AMDHD1: variants seen among roughly 807,000 people sequenced by gnomAD.
AMDHD1 encodes the protein amidohydrolase domain containing 1, also known as probable imidazolonepropionase.
In AMDHD1, 45 loss-of-function variants were observed where a neutral mutation model predicts 44.1. That is an observed-to-expected ratio of 1.02 (90% confidence interval 0.80 to 1.31). The LOEUF is 1.31. Among genes scored for constraint, AMDHD1 ranks in the 50% most tolerant of loss-of-function variants. The pLI is 0.00. For missense variants in AMDHD1, 586 were observed against 552.1 expected (o/e 1.06, Z -0.61); for synonymous variants, 206 against 205.0 (o/e 1.00, Z -0.04).
At chr12:95,949,259 T>G (rs1307450790) in intron 1 of AMDHD1, among the ~76,000 whole-genome samples, 1 of 151,674 alleles carries the variant, frequency 6.6e-6, no homozygotes, top group Non-Finnish European at 1.5e-5. Context: ...CAAGACCAAT[T>G]TTTAGGTTTT....
At position 95,943,488 on chromosome 12, in the gene AMDHD1, G is replaced by A. The variant is rs1227379737; in HGVS notation, c.90G>A (p.Ala30=). The A allele has an allele frequency of 6.7e-7, 1 of 1,500,736 alleles. No individual in the cohort carries two copies. The highest frequency in any genetic ancestry group is 8.9e-7 in the Non-Finnish European group (1 of 1,129,210). The allele number at this position is 1,500,736 out of a possible 1,614,324, so 93.0% of individuals were successfully genotyped here. ...ARGERFLARD[A]LRSLAVLEGA... ...GCGAGCGCTTCCTGGCGCGGGATGC[G>A]CTGCGCAGCCTGGCGGTGCTGGAAG... Residue 30 remains alanine, a synonymous_variant, in exon 1 of 9, where the codon GCG becomes GCA. Transcript: ENST00000266736.
At chr12:95,962,268 A>G (rs2080585987) in intron 5 of AMDHD1, 87 bp from the exon 6 acceptor site, 1 of 1,460,480 alleles carries the variant, frequency 6.8e-7, no homozygotes, top group South Asian at 1.3e-5. Flanking sequence ...CGTCTCAAAA[A>G]TAAAACAAAC....
Position 95,956,945 on chromosome 12 carries a change from G to T in AMDHD1, c.570G>T (p.Gly190=), listed in dbSNP as rs1466899457. 2.5e-6 allele frequency: 4 copies of T among 1,612,182 alleles called. No homozygotes were observed. Among genetic ancestry groups the T allele is most frequent in the Non-Finnish European group, 3.4e-6 (4 of 1,179,900 alleles). Residue 190 remains glycine (G), a synonymous_variant, in exon 4 of 9, where the codon GGG becomes GGT. Coordinates refer to ENST00000266736, the MANE Select transcript of AMDHD1 (RefSeq NM_152435.3). ...TCGGCATCTCGGCTACCTACTGCGG[G>T]GCTCATTCAGTGCCTAAGTAATCTC... ...LDIGISATYC[G]AHSVPKGKTA... is the part of the protein sequence containing the mutation.
intron 6 of AMDHD1, among the ~76,000 whole-genome samples, chr12:95,964,684 A>C (rs1207461663): frequency 2.6e-5 from 4 of 152,142 alleles, no homozygotes; most frequent in South Asian, 2.1e-4. Context: ...GATGAGAATT[A>C]TCTCTGCTGG....
intron 4 of AMDHD1, among the ~76,000 whole-genome samples, chr12:95,958,085 A>G (rs916860034): frequency 2.0e-5 from 3 of 152,074 alleles, no homozygotes; most frequent in Non-Finnish European, 4.4e-5. Flanking sequence ...TAATTGACAA[A>G]TAATATATTT....
chr12:95,944,754 A>G (rs1202152658), intron 1 of AMDHD1, among the ~76,000 whole-genome samples: 1 of 152,174 alleles, frequency 6.6e-6, no homozygotes, highest in African/African-American at 2.4e-5. Flanking sequence ...AAACATTCCC[A>G]ATTTACTATG....
At chr12:95,957,217 G>A (rs563209386) in intron 4 of AMDHD1, among the ~76,000 whole-genome samples, 1 of 152,290 alleles carries the variant, frequency 6.6e-6, no homozygotes, top group Non-Finnish European at 1.5e-5. Flanking sequence ...AAATGGCTCC[G>A]TGTAGGTCGT....
intron 1 of AMDHD1, among the ~76,000 whole-genome samples, chr12:95,948,018 C>A (rs2080506991): frequency 8.5e-6 from 1 of 117,070 alleles, no homozygotes; most frequent in African/African-American, 3.3e-5. Context: ...CGGCCAGCCG[C>A]CCTGTCCGGG....
rs780341874 is a variant in AMDHD1 at position 95,966,411 on chromosome 12, G to A, written c.1096G>A (p.Ala366Thr). 2 of 1,614,244 alleles carry A rather than the reference G, an allele frequency of 1.2e-6. No homozygotes were observed. The highest frequency in any genetic ancestry group is 2.2e-5 in the South Asian group (2 of 91,086). The stretch of plus-strand genomic sequence containing the variant: ...GTCCATGCCTGAGGCCTTGGCCGCT[G>A]CCACCATCAATGCAGCTTATGCACT... Reference protein sequence around the residue: ...RMSMPEALAAATINAAYALGK... With the variant: ...RMSMPEALAATTINAAYALGK... Residue 366 changes from alanine (A) to threonine (T), a missense_variant, in exon 8 of 9, where the codon GCC (alanine) becomes ACC (threonine). Ala to Thr is a moderately conservative substitution (Grantham distance 58). Coordinates refer to ENST00000266736, the MANE Select transcript of AMDHD1 (RefSeq NM_152435.3).
intron 1 of AMDHD1, among the ~76,000 whole-genome samples, chr12:95,950,885 A>C (rs1345961886): frequency 1.3e-5 from 2 of 152,094 alleles, no homozygotes; most frequent in African/African-American, 2.4e-5. Context: ...TAAAAAAGGG[A>C]ACATTGATCT....
In AMDHD1 at chr12:95,966,397, A is replaced by G; in HGVS notation, c.1082A>G (p.Glu361Gly). Residue 361 changes from glutamate (E) to glycine (G), a missense_variant, in exon 8 of 9, where the codon GAG becomes GGG. Coordinates refer to ENST00000266736, the MANE Select transcript of AMDHD1 (RefSeq NM_152435.3). ...ACVNMRMSMPEALAAATINAA... is the reference protein window; with the variant it reads ...ACVNMRMSMPGALAAATINAA... ...GTAAACATGAGAATGTCCATGCCTG[A>G]GGCCTTGGCCGCTGCCACCATCAAT... The G allele has an allele frequency of 6.2e-7, 1 of 1,614,270 alleles. No homozygotes were observed.
intron 5 of AMDHD1, among the ~76,000 whole-genome samples, chr12:95,962,033 C>T (rs1041066981): frequency 2.0e-5 from 3 of 152,088 alleles, no homozygotes; most frequent in East Asian, 1.9e-4. Flanking sequence ...TTTTGGAGTC[C>T]GAGGCAGGCG....
intron 1 of AMDHD1, 53 bp downstream of exon 1, chr12:95,943,588 C>T (rs2080476926): frequency 7.2e-7 from 1 of 1,396,090 alleles, no homozygotes; most frequent in Non-Finnish European, 9.3e-7. Flanking sequence ...GCTGGCCGCT[C>T]TTCCTCTCAC....
chr12:95,956,597 T>C, intron 3 of AMDHD1, 88 bp from the exon 4 acceptor site: 5 of 1,537,238 alleles, frequency 3.3e-6, no homozygotes, highest in Non-Finnish European at 4.4e-6. Context: ...TCTTAATCAT[T>C]ATATAATATT....
intron 1 of AMDHD1, among the ~76,000 whole-genome samples, chr12:95,945,252 A>G (rs1043168379): frequency 3.9e-5 from 6 of 152,202 alleles, no homozygotes; most frequent in African/African-American, 1.4e-4. Context: ...AAGGAAAAGG[A>G]GGGAGCTGAC....
At chr12:95,956,445 C>T (rs552095079) in intron 3 of AMDHD1, among the ~76,000 whole-genome samples, 2 of 152,148 alleles carry the variant, frequency 1.3e-5, no homozygotes, top group East Asian at 3.9e-4. Flanking sequence ...CCCACCACAT[C>T]TCCCATCTCT....
chr12:95,945,883 A>T (rs771600501), intron 1 of AMDHD1, among the ~76,000 whole-genome samples: 6 of 152,124 alleles, frequency 3.9e-5, no homozygotes, highest in Non-Finnish European at 8.8e-5. Flanking sequence ...TATGCTATAG[A>T]TATATAAAAT....
At chr12:95,966,544 C>T in intron 8 of AMDHD1, 36 bp downstream of exon 8, 1 of 1,611,424 alleles carries the variant, frequency 6.2e-7, no homozygotes, top group East Asian at 2.2e-5. Flanking sequence ...TTATATTATG[C>T]CCACTGAAGT....
intron 6 of AMDHD1, among the ~76,000 whole-genome samples, chr12:95,965,083 G>A (rs1253827244): frequency 6.6e-6 from 1 of 152,038 alleles, no homozygotes; most frequent in African/African-American, 2.4e-5. Context: ...TGGATCACCT[G>A]AGGTCAGGAG....
Sources: allele counts gnomAD v4.1 joint callset (sites outside exome capture counted in the v4.1 genomes callset), GRCh38; gene constraint gnomAD v4.1.1; transcripts MANE v1.5; gene names NCBI Gene and HGNC (gene_info 2026-07-23, HGNC 2026-07-21).